The following CCNYL1 variants were observed in gnomAD, a reference collection of about 807,000 sequenced individuals.
CCNYL1 encodes the protein cyclin-Y-like protein 1.
Under a neutral mutation model 44.2 loss-of-function variants are expected in CCNYL1, and 16 were observed. The observed-to-expected ratio is 0.36, with a 90% CI of 0.25 to 0.55. The LOEUF is 0.55. CCNYL1 is among the 20% of genes least tolerant of loss of function. The pLI, the probability that CCNYL1 is intolerant of heterozygous loss-of-function variation, is 0.85. For synonymous variants in CCNYL1, 159 were observed against 163.2 expected (o/e 0.97, Z 0.20); for missense variants, 348 against 451.8 (o/e 0.77, Z 2.08).
At chr2:207,714,567 G>A (rs2091578549) in intron 1 of CCNYL1, 4 of 261,470 alleles carry the variant, frequency 1.5e-5, no homozygotes, top group South Asian at 1.5e-4. Flanking sequence ...ATTTTAAAGA[G>A]TTTGTTCTGG....
At chr2:207,737,702 A>C (rs1421960354) in intron 5 of CCNYL1, among the ~76,000 whole-genome samples, 1 of 152,106 alleles carries the variant, frequency 6.6e-6, no homozygotes, top group Non-Finnish European at 1.5e-5. Flanking sequence ...TTAAAAAAAA[A>C]AACCCTATAT....
chr2:207,712,153 A>G lies in CCNYL1; in HGVS notation c.220+37A>G, dbSNP rs762371251. ...GCGGATGCCATCCGCCCTCGGGCTC[A>G]CCTCTGCCCGCCTCCTCCCCCAGAG... On this transcript the variant is annotated intron_variant, in intron 1 of 9. Transcript: ENST00000295414. The G allele has an allele frequency of 3.9e-6, 6 of 1,554,966 alleles. No homozygotes were observed. The South Asian group carries it at 4.5e-5, about 12-fold the overall frequency.
At position 207,742,214 on chromosome 2, in the gene CCNYL1, T is replaced by C. The variant is rs1402194455; in HGVS notation, c.520-9T>C. 6.3e-7 allele frequency: 1 copy of C among 1,595,192 alleles called. No individual in the cohort carries two copies. On this transcript the variant is annotated splice_polypyrimidine_tract_variant and intron_variant, in intron 6 of 9. Coordinates refer to ENST00000295414, the MANE Select transcript of CCNYL1 (RefSeq NM_001330218.2). Reference sequence around the variant, plus strand: ...GTGGATACTAACATTGCATCTTTTCTTCTTTCAGCGAGAAAAAGTTCCAGA... The same window carrying C: ...GTGGATACTAACATTGCATCTTTTCCTCTTTCAGCGAGAAAAAGTTCCAGA...
chr2:207,745,007 G>A (rs2105838559), intron 7 of CCNYL1, among the ~76,000 whole-genome samples: 1 of 152,278 alleles, frequency 6.6e-6, no homozygotes, highest in South Asian at 2.1e-4. Context: ...GGGGAGTGGA[G>A]CAGTGGGATG....
intron 7 of CCNYL1, among the ~76,000 whole-genome samples, chr2:207,743,693 TA>T (rs2091829668): frequency 6.6e-6 from 1 of 152,266 alleles, no homozygotes; most frequent in African/African-American, 2.4e-5. Context: ...GAGAAGGTAA[TA>T]AAAGAACAGA....
At position 207,724,769 on chromosome 2, in the gene CCNYL1, A is replaced by C. The variant is rs372038496; in HGVS notation, c.221-31A>C. On this transcript the variant is annotated intron_variant, in intron 1 of 9. Transcript: ENST00000295414. Reference sequence around the variant, plus strand: ...GAAATCATCTTTTCTACTCACCTAAAGTGTCACGTCTTTTTCCTCCTCTTC... The same window carrying C: ...GAAATCATCTTTTCTACTCACCTAACGTGTCACGTCTTTTTCCTCCTCTTC... 3.0e-5 allele frequency: 45 copies of C among 1,495,920 alleles called. 1 individual carries two copies. In the African/African-American group the frequency reaches 5.6e-4, roughly 19 times the overall value. 92.7% of individuals were successfully genotyped at this position (1,495,920 alleles called of 1,614,324 possible). A position where few individuals can be genotyped will look rare whatever the true frequency, so the allele number is the denominator to read the frequency against.
intron 5 of CCNYL1, among the ~76,000 whole-genome samples, chr2:207,738,102 G>C (rs981608290): frequency 6.6e-6 from 1 of 152,146 alleles, no homozygotes; most frequent in Non-Finnish European, 1.5e-5. Flanking sequence ...GTAGTGAGCT[G>C]TAATTTGTTT....
At chr2:207,739,494 T>C (rs1462779504) in intron 5 of CCNYL1, among the ~76,000 whole-genome samples, 1 of 152,186 alleles carries the variant, frequency 6.6e-6, no homozygotes, top group Admixed American at 6.5e-5. Context: ...CCTCCCAAGG[T>C]GCTGGGATTA....
intron 7 of CCNYL1, among the ~76,000 whole-genome samples, chr2:207,742,973 T>C (rs1168852747): frequency 6.6e-6 from 1 of 152,242 alleles, no homozygotes; most frequent in Non-Finnish European, 1.5e-5. Context: ...GATTTTATCA[T>C]TGAATAATAA....
At chr2:207,713,508 A>G (rs751318983) in intron 1 of CCNYL1, among the ~76,000 whole-genome samples, 6 of 152,214 alleles carry the variant, frequency 3.9e-5, no homozygotes, top group Non-Finnish European at 5.9e-5. Context: ...TTGGAAAGAG[A>G]TAAGTCTAGG....
At chr2:207,729,014 G>T (rs969302855) in intron 3 of CCNYL1, among the ~76,000 whole-genome samples, 1 of 152,128 alleles carries the variant, frequency 6.6e-6, no homozygotes, top group Non-Finnish European at 1.5e-5. Flanking sequence ...GGCCAGGATG[G>T]TCTTGATCTC....
At chr2:207,751,455 C>T (rs1290169289) in intron 9 of CCNYL1, among the ~76,000 whole-genome samples, 1 of 152,214 alleles carries the variant, frequency 6.6e-6, no homozygotes, top group African/African-American at 2.4e-5. Context: ...CACTGTGGCT[C>T]ATGTCTGTAA....
chr2:207,750,069 C>T (rs1200015326), intron 8 of CCNYL1, among the ~76,000 whole-genome samples: 4 of 152,202 alleles, frequency 2.6e-5, no homozygotes, highest in African/African-American at 4.8e-5. Flanking sequence ...GCCCTTTCCT[C>T]TCCCATTGCA....
rs60004559 is a variant in CCNYL1, at chr2:207,714,312, CTTTTT to C, written c.220+2218_220+2222del. On this transcript the variant is annotated intron_variant, in intron 1 of 9. Coordinates refer to ENST00000295414, the MANE Select transcript of CCNYL1 (RefSeq NM_001330218.2). ...CGATTCAGAGGCAACACTTACATCT[CTTTTT>C]TTTTTTTTTTTTTTTTTTTTTAAGA... 2,886 of 307,750 alleles carry C rather than the reference CTTTTT, an allele frequency of 9.4e-3. 1 individual carries two copies. The highest frequency in any genetic ancestry group is 0.025 in the East Asian group (238 of 9,402). The allele number at this position is 307,750 out of a possible 1,614,324, so 19.1% of individuals were successfully genotyped here.
rs2091551726 is a variant in CCNYL1, at chr2:207,711,968, G to A, written c.72G>A (p.Ala24=). Residue 24 remains alanine (A), a synonymous_variant, in exon 1 of 10, where the codon GCG becomes GCA. Transcript: ENST00000295414. The part of the protein sequence containing the change: ...SPKLGRRAGS[A]ELYCASDIYE... ...AGCTGGGCCGGCGCGCGGGGTCGGC[G>A]GAGCTGTACTGCGCGTCCGACATCT... The A allele has an allele frequency of 2.8e-6, 4 of 1,404,154 alleles. No homozygotes were observed. In the African/African-American group the frequency reaches 6.1e-5, roughly 21 times the overall value. 87.0% of individuals were successfully genotyped at this position (1,404,154 alleles called of 1,614,324 possible). A position where few individuals can be genotyped will look rare whatever the true frequency, so the allele number is the denominator to read the frequency against.
At chr2:207,737,774 G>A (rs1293672089) in intron 5 of CCNYL1, among the ~76,000 whole-genome samples, 1 of 152,134 alleles carries the variant, frequency 6.6e-6, no homozygotes, top group East Asian at 1.9e-4. Flanking sequence ...TCTTTGTTGT[G>A]GGGACTGTCC....
chr2:207,722,464 G>A (rs2091647832), intron 1 of CCNYL1, among the ~76,000 whole-genome samples: 1 of 151,346 alleles, frequency 6.6e-6, no homozygotes, highest in Non-Finnish European at 1.5e-5. Flanking sequence ...GGGCGGGGGA[G>A]GTGTGTGTGT....
intron 6 of CCNYL1, 31 bp downstream of exon 6, chr2:207,740,737 T>C (rs921927566): frequency 7.0e-7 from 1 of 1,431,552 alleles, no homozygotes; most frequent in African/African-American, 1.4e-5. Flanking sequence ...GGTAGTATTT[T>C]TCTCTCATAG....
chr2:207,738,730 T>C (rs1473495196), intron 5 of CCNYL1, among the ~76,000 whole-genome samples: 3 of 149,990 alleles, frequency 2.0e-5, no homozygotes, highest in Non-Finnish European at 4.4e-5. Flanking sequence ...TTTTTTTTTC[T>C]TTTTTTTGAG....
Sources: gnomAD v4.1 joint callset for allele counts (sites outside exome capture counted in the v4.1 genomes callset) on GRCh38, gnomAD v4.1.1 for gene constraint, MANE v1.5 for transcripts, NCBI Gene and HGNC (gene_info 2026-07-23, HGNC 2026-07-21) for gene names.